HDAC9: variants seen among roughly 807,000 people sequenced by gnomAD.
The protein encoded by HDAC9 is MEF-2 interacting transcription repressor (MITR) protein.
Under a neutral mutation model 139.4 loss-of-function variants are expected in HDAC9, and 41 were observed. The ratio of observed to expected loss-of-function variants is 0.29; its 90% CI spans 0.23 to 0.38. The LOEUF (loss-of-function observed/expected upper bound fraction) is 0.38, where lower values mean the gene tolerates loss of function less well. Among genes scored for constraint, HDAC9 ranks in the 10% least tolerant of loss-of-function variants. The pLI is 1.00. For missense variants in HDAC9, 1,147 were observed against 1,297.0 expected (o/e 0.88, Z 1.78); for synonymous variants, 517 against 476.2 (o/e 1.09, Z -1.12).
chr7:18,225,849 A>G (rs1392007322), intron 2 of HDAC9, among the ~76,000 whole-genome samples: 4 of 152,196 alleles, frequency 2.6e-5, no homozygotes, highest in Non-Finnish European at 5.9e-5. Flanking sequence ...CTTTTAAAAT[A>G]ACATATTTAA....
intron 1 of HDAC9, among the ~76,000 whole-genome samples, chr7:18,482,145 A>T (rs1795604172): frequency 6.6e-6 from 1 of 151,882 alleles, no homozygotes; most frequent in Admixed American, 6.6e-5. Flanking sequence ...AATTAAGGTG[A>T]TGGAAAAGAT....
chr7:18,817,199 T>C (rs551472886), intron 17 of HDAC9, among the ~76,000 whole-genome samples: 1 of 152,210 alleles, frequency 6.6e-6, no homozygotes, highest in African/African-American at 2.4e-5. Flanking sequence ...CACGCCTGCC[T>C]GATTTTTTGT....
chr7:18,555,584 C>G (rs1191689175), intron 2 of HDAC9, among the ~76,000 whole-genome samples: 1 of 151,998 alleles, frequency 6.6e-6, no homozygotes, highest in African/African-American at 2.4e-5. Context: ...GAGACAGACA[C>G]AAACACACAG....
At chr7:18,977,038 AAATG>A (rs1784592653) in intron 25 of HDAC9, among the ~76,000 whole-genome samples, 2 of 152,260 alleles carry the variant, frequency 1.3e-5, no homozygotes, top group South Asian at 4.1e-4. Flanking sequence ...ACAGGAGATA[AAATG>A]AATAAGAGAT....
chr7:18,812,824 C>G (rs979689747), intron 17 of HDAC9, among the ~76,000 whole-genome samples: 2 of 151,870 alleles, frequency 1.3e-5, no homozygotes, highest in African/African-American at 4.8e-5. Context: ...ACATTGAGGA[C>G]TCTGTTCATT....
intron 1 of HDAC9, among the ~76,000 whole-genome samples, chr7:18,137,252 A>C (rs1434790785): frequency 1.6e-5 from 2 of 122,408 alleles, no homozygotes; most frequent in Non-Finnish European, 3.3e-5. Flanking sequence ...ATCTGCAAAC[A>C]GGGACAATTT....
intron 12 of HDAC9, chr7:18,668,429 A>G (rs1471403244): frequency 2.1e-6 from 2 of 947,324 alleles, no homozygotes; most frequent in Non-Finnish European, 1.3e-6. Flanking sequence ...CAATCTCATA[A>G]AAAAGGGATA....
chr7:18,930,530 T>G (rs1804647935), intron 22 of HDAC9, among the ~76,000 whole-genome samples: 1 of 151,966 alleles, frequency 6.6e-6, no homozygotes, highest in African/African-American at 2.4e-5. Context: ...AATAATACCT[T>G]CACCTGGGTA....
intron 2 of HDAC9, among the ~76,000 whole-genome samples, chr7:18,513,503 A>G (rs1412337275): frequency 6.6e-6 from 1 of 152,190 alleles, no homozygotes; most frequent in African/African-American, 2.4e-5. Flanking sequence ...GAGTGACTAG[A>G]AGAGCCCAGC....
rs150524110 is a variant in HDAC9, at chr7:18,226,127, A to C, written c.25+63778A>C. 9.3e-3 allele frequency among the ~76,000 whole-genome samples: 1,421 copies of C among 152,302 alleles called. 25 individuals carry two copies. The highest frequency in any genetic ancestry group is 0.032 in the African/African-American group (1,340 of 41,564). On this transcript the variant is annotated intron_variant, in intron 2 of 12. Transcript: ENST00000417496. ...TTTAATGTATGTCACTGAATAAGAT[A>C]AATTTAGAGTATGTGAAGTTTAAGG...
At chr7:18,120,744 G>GT (rs1308749739) in intron 1 of HDAC9, among the ~76,000 whole-genome samples, 1 of 152,196 alleles carries the variant, frequency 6.6e-6, no homozygotes, top group Non-Finnish European at 1.5e-5. Context: ...AGACTTTAGT[G>GT]TTGCTCATAC....
At chr7:18,344,796 C>G (rs976590877) in intron 1 of HDAC9, among the ~76,000 whole-genome samples, 1 of 151,984 alleles carries the variant, frequency 6.6e-6, no homozygotes, top group African/African-American at 2.4e-5. Context: ...TACTGTTTAT[C>G]AAATTCAGTG....
At chr7:18,888,098 C>T (rs1404878846) in intron 22 of HDAC9, among the ~76,000 whole-genome samples, 1 of 152,292 alleles carries the variant, frequency 6.6e-6, no homozygotes, top group Admixed American at 6.5e-5. Context: ...CCTGATCTGT[C>T]AGTATTAATA....
In HDAC9 at chr7:18,605,071, T is replaced by C. The variant is rs1269477845; in HGVS notation, c.664+11042T>C. Reference sequence around the variant, plus strand: ...GGCTGGGGCTGGGCTTTGTTTAATATCTGTTGTAGTGGTAAATGTCAGAGT... The same window carrying C: ...GGCTGGGGCTGGGCTTTGTTTAATACCTGTTGTAGTGGTAAATGTCAGAGT... On this transcript the variant is annotated intron_variant, in intron 6 of 25. Coordinates refer to ENST00000686413, the MANE Select transcript of HDAC9 (RefSeq NM_178425.4). 2.0e-5 allele frequency among the ~76,000 whole-genome samples: 3 copies of C among 152,210 alleles called. No homozygotes were observed. In the East Asian group the frequency reaches 5.8e-4, roughly 29 times the overall value.
chr7:18,097,395 T>G (rs952890583), intron 1 of HDAC9, among the ~76,000 whole-genome samples: 1 of 152,104 alleles, frequency 6.6e-6, no homozygotes, highest in African/African-American at 2.4e-5. Context: ...TATTTTGGTA[T>G]TTCATCATTT....
chr7:18,407,481 C>T (rs1460877040), intron 1 of HDAC9, among the ~76,000 whole-genome samples: 1 of 152,060 alleles, frequency 6.6e-6, no homozygotes, highest in African/African-American at 2.4e-5. Flanking sequence ...AACGTATGAA[C>T]AGCCAATAGA....
At chr7:18,629,322 A>ATTTT in intron 6 of HDAC9, 28 bp from the exon 7 acceptor site, 12 of 1,259,880 alleles carry the variant, frequency 9.5e-6, no homozygotes, top group South Asian at 3.1e-5. Context: ...ATTTTTATCT[A>ATTTT]TTTTTTTTTT....
chr7:18,207,508 G>A (rs1186745619), intron 2 of HDAC9, among the ~76,000 whole-genome samples: 1 of 129,476 alleles, frequency 7.7e-6, no homozygotes, highest in African/African-American at 2.9e-5. Flanking sequence ...CTGGGCTCAA[G>A]CTGTCCTCTC....
At position 18,931,474 on chromosome 7, in the gene HDAC9, G is replaced by C. The variant is rs112162831; in HGVS notation, c.2804-4335G>C. On this transcript the variant is annotated intron_variant, in intron 22 of 25. Coordinates refer to ENST00000686413, the MANE Select transcript of HDAC9 (RefSeq NM_178425.4). ...GTATTTTTGTCAAGAATTTTAAAAC[G>C]TGATAATTGTAAAGTGACTAATTTG... Among the ~76,000 whole-genome samples the C allele has an allele frequency of 8.5e-5, 13 of 152,146 alleles. 2 individuals are homozygous for C. Among genetic ancestry groups the C allele is most frequent in the African/African-American group, 2.9e-4 (12 of 41,514 alleles).
Sources: gnomAD v4.1 joint callset for allele counts (sites outside exome capture counted in the v4.1 genomes callset) on GRCh38, gnomAD v4.1.1 for gene constraint, MANE v1.5 for transcripts, NCBI Gene and HGNC (gene_info 2026-07-23, HGNC 2026-07-21) for gene names.